LINGO2: variants seen among roughly 807,000 people sequenced by gnomAD.
LINGO2 encodes the protein leucine-rich repeat and immunoglobulin-like domain-containing nogo receptor-interacting protein 2.
LINGO2 carries 14 observed loss-of-function variants against 30.6 expected under a neutral mutation model. The ratio of observed to expected loss-of-function variants is 0.46; its 90% CI spans 0.30 to 0.72. The LOEUF (loss-of-function observed/expected upper bound fraction) is 0.72, where lower values mean the gene tolerates loss of function less well. Among genes scored for constraint, LINGO2 ranks in the 30% least tolerant of loss-of-function variants. The pLI is 0.07. For synonymous variants in LINGO2, 317 were observed against 288.5 expected (o/e 1.10, Z -1.00); for missense variants, 729 against 751.7 (o/e 0.97, Z 0.35).
intron 2 of LINGO2, among the ~76,000 whole-genome samples, chr9:28,475,611 T>A (rs1258522239): frequency 6.6e-6 from 1 of 152,200 alleles, no homozygotes; most frequent in Non-Finnish European, 1.5e-5. Context: ...ACTGAATTCT[T>A]TATATGCAAT....
intron 1 of LINGO2, among the ~76,000 whole-genome samples, chr9:28,590,879 T>C (rs1029031889): frequency 3.3e-5 from 5 of 152,208 alleles, no homozygotes; most frequent in African/African-American, 1.2e-4. Context: ...TGTGGCACTA[T>C]TCACAATAGC....
chr9:28,458,397 A>C (rs983407840), intron 2 of LINGO2, among the ~76,000 whole-genome samples: 1 of 152,108 alleles, frequency 6.6e-6, no homozygotes, highest in African/African-American at 2.4e-5. Context: ...TGTGATTTTC[A>C]CTTGTCTTGT....
At chr9:28,881,359 A>G in the LINGO2 span, among the ~76,000 whole-genome samples, 2 of 151,956 alleles carry the variant, frequency 1.3e-5, no homozygotes, top group African/African-American at 4.8e-5. Flanking sequence ...CCTGACCTCA[A>G]GTGATCCACC....
intron 2 of LINGO2, among the ~76,000 whole-genome samples, chr9:28,387,851 G>A (rs552714471): frequency 1.8e-4 from 27 of 152,170 alleles, no homozygotes; most frequent in African/African-American, 2.6e-4. Flanking sequence ...GAACCCACCA[G>A]AAGGAAGAAA....
intron 4 of LINGO2, among the ~76,000 whole-genome samples, chr9:28,150,846 G>C (rs113019093): frequency 2.6e-5 from 4 of 152,182 alleles, no homozygotes; most frequent in African/African-American, 9.7e-5. Flanking sequence ...GCCATAGTTA[G>C]TCGCTTCCTA....
Position 27,949,564 on chromosome 9 carries a change from G to A in LINGO2, c.1108C>T (p.Gln370Ter). ...TGGCCACCAAACTGCAGGGTGGGCT[G>A]TCGCTGCAAGATCCAGAGAAGGCGG... The change falls in exon 6 of 6, where the codon CAG becomes TAG. Residue 370 changes from glutamine to a stop codon, truncating the protein, a stop_gained. Transcript: ENST00000379992. LOFTEE classifies it high-confidence loss of function. 6.2e-7 allele frequency: 1 copy of A among 1,614,104 alleles called. No homozygotes were observed. Among genetic ancestry groups the A allele is most frequent in the Non-Finnish European group, 8.5e-7 (1 of 1,179,986 alleles).
intron 4 of LINGO2, among the ~76,000 whole-genome samples, chr9:28,066,442 AG>A (rs764407889): frequency 6.6e-6 from 1 of 152,116 alleles, no homozygotes; most frequent in African/African-American, 2.4e-5. Context: ...TTAGAGAAAA[AG>A]CTTCTCCACT....
chr9:28,839,755 G>A, the LINGO2 span, among the ~76,000 whole-genome samples: 16 of 152,260 alleles, frequency 1.1e-4, no homozygotes, highest in South Asian at 2.1e-4. Context: ...GTGGCAGTCC[G>A]CCCCCAAGGC....
the LINGO2 span, among the ~76,000 whole-genome samples, chr9:28,942,386 G>A: frequency 3.3e-5 from 5 of 152,162 alleles, no homozygotes; most frequent in Non-Finnish European, 7.4e-5. Flanking sequence ...GGGGTGCCAG[G>A]TGGGTGTACC....
intron 4 of LINGO2, among the ~76,000 whole-genome samples, chr9:28,188,472 C>T (rs1819623098): frequency 6.6e-6 from 1 of 152,000 alleles, no homozygotes; most frequent in South Asian, 2.1e-4. Flanking sequence ...GATGACTGGG[C>T]CAGAGGGTAT....
chr9:28,788,780 C>T, the LINGO2 span, among the ~76,000 whole-genome samples: 6,336 of 152,118 alleles, frequency 0.042, 199 homozygotes, highest in Admixed American at 0.085. Flanking sequence ...GAAACTGCCC[C>T]CATGACACAA....
intron 4 of LINGO2, among the ~76,000 whole-genome samples, chr9:28,252,318 C>T (rs549416464): frequency 6.6e-5 from 10 of 152,080 alleles, no homozygotes; most frequent in East Asian, 5.8e-4. Context: ...CTCTGCCTCC[C>T]GGGTTCAAGT....
At chr9:29,066,160 A>G in the LINGO2 span, among the ~76,000 whole-genome samples, 2 of 151,856 alleles carry the variant, frequency 1.3e-5, no homozygotes, top group Non-Finnish European at 2.9e-5. Context: ...TAGCCATTGG[A>G]TTGCTATATT....
the LINGO2 span, among the ~76,000 whole-genome samples, chr9:28,830,562 A>G: frequency 6.6e-6 from 1 of 152,204 alleles, no homozygotes; most frequent in East Asian, 1.9e-4. Context: ...GAAGATCTAT[A>G]AGAAACTAAT....
chr9:28,244,597 A>G (rs931324997), intron 4 of LINGO2, among the ~76,000 whole-genome samples: 4 of 152,130 alleles, frequency 2.6e-5, no homozygotes, highest in African/African-American at 9.7e-5. Context: ...TCAAATCAAC[A>G]CAATAAAAAA....
At chr9:28,762,337 G>A in the LINGO2 span, among the ~76,000 whole-genome samples, 1 of 152,018 alleles carries the variant, frequency 6.6e-6, no homozygotes, top group African/African-American at 2.4e-5. Context: ...AAAGGGAAGT[G>A]TAACAGTGAA....
the LINGO2 span, among the ~76,000 whole-genome samples, chr9:28,916,939 G>A: frequency 6.6e-6 from 1 of 152,190 alleles, no homozygotes; most frequent in South Asian, 2.1e-4. Flanking sequence ...ACCAATACTG[G>A]GGAAAGTGCT....
chr9:28,980,018 C>G, the LINGO2 span, among the ~76,000 whole-genome samples: 7 of 152,236 alleles, frequency 4.6e-5, no homozygotes, highest in African/African-American at 1.7e-4. Context: ...CCCATTGGAA[C>G]CACAAGCAAA....
chr9:28,040,266 G>C lies in LINGO2; in HGVS notation c.-86-27861C>G, dbSNP rs1197934. On this transcript the variant is annotated intron_variant, in intron 4 of 5. Transcript: ENST00000379992. ...TTGCAGCAAAGGCAAATTACTAATA[G>C]TTTATCTTGAACAATGAGGCTCAGT... Among the ~76,000 whole-genome samples the C allele has an allele frequency of 2.6e-5, 4 of 152,182 alleles. No homozygotes were observed. In the South Asian group the frequency reaches 8.3e-4, roughly 32 times the overall value.
Sources: allele counts gnomAD v4.1 joint callset (sites outside exome capture counted in the v4.1 genomes callset), GRCh38; gene constraint gnomAD v4.1.1; transcripts MANE v1.5; gene names NCBI Gene and HGNC (gene_info 2026-07-23, HGNC 2026-07-21).